PHC2: variants seen among roughly 807,000 people sequenced by gnomAD.
The protein encoded by PHC2 is polyhomeotic-like protein 2.
A neutral mutation model predicts 87.4 loss-of-function variants in PHC2; 29 were observed. The observed-to-expected ratio is 0.33, with a 90% CI of 0.25 to 0.45. PHC2 has a LOEUF of 0.45. Ranked by LOEUF, PHC2 falls within the 20% of genes least tolerant of loss-of-function variation. The pLI is 1.00. For synonymous variants in PHC2, 438 were observed against 461.7 expected, an observed-to-expected ratio of 0.95 and a Z score of 0.66; for missense variants, 857 against 1,136.7, an observed-to-expected ratio of 0.75 and a Z score of 3.54.
chr1:33,370,683 T>C, intron 4 of PHC2, 98 bp from the exon 5 acceptor site: 3 of 1,215,922 alleles, frequency 2.5e-6, no homozygotes, highest in Non-Finnish European at 3.5e-6. Flanking sequence ...TGCTCCTTGG[T>C]TTATTCAGCC....
chr1:33,377,548 CT>C (rs1648248138), intron 1 of PHC2, among the ~76,000 whole-genome samples: 1 of 151,912 alleles, frequency 6.6e-6, no homozygotes, highest in Admixed American at 6.6e-5. Flanking sequence ...CTCTTTTTTT[CT>C]TTTTCCATGC....
At chr1:33,370,365 C>T in intron 5 of PHC2, 56 bp downstream of exon 5, 2 of 1,551,602 alleles carry the variant, frequency 1.3e-6, no homozygotes, top group South Asian at 2.3e-5. Context: ...CTCCCAGCTT[C>T]TCTGCCTCTG....
At chr1:33,370,306 T>TCCTGCC in intron 5 of PHC2, 115 bp downstream of exon 5, 1 of 949,004 alleles carries the variant, frequency 1.1e-6, no homozygotes, top group South Asian at 1.6e-5. Flanking sequence ...ACCCCTTATC[T>TCCTGCC]CCTGCCCCTG....
rs1263537712 is a variant in PHC2, at chr1:33,349,915, G to C, written c.1558+4486C>G. The C allele has an allele frequency of 1.0e-6, 1 of 965,790 alleles. No homozygotes were observed. Among genetic ancestry groups the C allele is most frequent in the Non-Finnish European group, 1.2e-6 (1 of 815,014 alleles). 59.8% of individuals were successfully genotyped at this position (965,790 alleles called of 1,614,324 possible). On this transcript the variant is annotated intron_variant, in intron 9 of 14. Coordinates refer to ENST00000683057, the MANE Select transcript of PHC2 (RefSeq NM_001385109.1). This position sits in a 1 kb window ranked among gnomAD's most constrained non-coding sequence, Gnocchi z 4.2. The stretch of plus-strand genomic sequence containing the variant: ...GAGACAATGCGGCGAGTCTGGGACG[G>C]CTCCCGCGGCCGCCTCCGCCGGGGG...
chr1:33,416,370 T>A (rs10753282), intron 1 of PHC2, among the ~76,000 whole-genome samples: 103,693 of 150,044 alleles, frequency 0.69, 36,234 homozygotes, highest in East Asian at 0.78. Flanking sequence ...GATTGAGACC[T>A]TCCTGGCTAA....
intron 1 of PHC2, among the ~76,000 whole-genome samples, chr1:33,403,192 T>C (rs911091794): frequency 3.0e-5 from 4 of 134,736 alleles, no homozygotes; most frequent in African/African-American, 1.1e-4. Flanking sequence ...AGTGGTGCGA[T>C]CTCGGCTCAC....
chr1:33,379,818 C>T (rs988988182), intron 1 of PHC2, among the ~76,000 whole-genome samples: 2 of 148,854 alleles, frequency 1.3e-5, no homozygotes, highest in Non-Finnish European at 3.0e-5. Context: ...CTCCCCTACT[C>T]GACCTTCTTG....
intron 1 of PHC2, among the ~76,000 whole-genome samples, chr1:33,423,220 G>A (rs1450573630): frequency 6.6e-6 from 1 of 152,056 alleles, no homozygotes. Flanking sequence ...AAGTATTAAA[G>A]GGCTTAAAAA....
intron 1 of PHC2, among the ~76,000 whole-genome samples, chr1:33,428,144 T>A (rs993142657): frequency 6.6e-6 from 1 of 152,212 alleles, no homozygotes; most frequent in African/African-American, 2.4e-5. Context: ...ATGAAGAAAC[T>A]GAAGTCAAAG....
At chr1:33,372,688 C>A (rs150258509) in intron 2 of PHC2, among the ~76,000 whole-genome samples, 1 of 152,246 alleles carries the variant, frequency 6.6e-6, no homozygotes, top group Non-Finnish European at 1.5e-5. Context: ...CTCCCCAGCA[C>A]GGCCTGCTCC....
At chr1:33,391,511 C>T (rs924069184) in intron 1 of PHC2, among the ~76,000 whole-genome samples, 13 of 152,108 alleles carry the variant, frequency 8.5e-5, no homozygotes, top group African/African-American at 3.1e-4. Context: ...CTGTACGGGA[C>T]TGTATGCTTG....
intron 1 of PHC2, among the ~76,000 whole-genome samples, chr1:33,414,345 G>A (rs1369813729): frequency 6.6e-6 from 1 of 152,060 alleles, no homozygotes; most frequent in East Asian, 1.9e-4. Flanking sequence ...CTAATTCTGG[G>A]GTCAGACAGT....
chr1:33,426,289 G>A (rs1650665000), intron 1 of PHC2, among the ~76,000 whole-genome samples: 1 of 151,562 alleles, frequency 6.6e-6, no homozygotes, highest in Non-Finnish European at 1.5e-5. Flanking sequence ...TCCAGACAAT[G>A]GTGGCAACCA....
rs1646322552 is a variant in PHC2 at position 33,324,134 on chromosome 1, G to GGCT, written c.*728_*730dup. 1 of 152,724 alleles carries GGCT rather than the reference G, an allele frequency of 6.5e-6. No homozygotes were observed. The highest frequency in any genetic ancestry group is 6.5e-5 in the Admixed American group (1 of 15,290). 9.5% of individuals were successfully genotyped at this position (152,724 alleles called of 1,614,324 possible). ...CTTTCTGACCTTGCCTCTGCGCTGAGGCTGCCATTCTTGGCTATTCCCCAT... is the reference window on the plus strand; with the variant it reads ...CTTTCTGACCTTGCCTCTGCGCTGAGGCTGCTGCCATTCTTGGCTATTCCCCAT... On this transcript the variant is annotated 3_prime_UTR_variant, in exon 15 of 15. Transcript: ENST00000683057.
chr1:33,371,444 T>A (rs552149852), intron 3 of PHC2, among the ~76,000 whole-genome samples: 1 of 150,266 alleles, frequency 6.7e-6, no homozygotes, highest in African/African-American at 2.4e-5. Context: ...CCATCACACC[T>A]GGCCACCACC....
intron 1 of PHC2, among the ~76,000 whole-genome samples, chr1:33,401,334 A>G (rs183584862): frequency 0.012 from 1,858 of 152,300 alleles, 19 homozygotes; most frequent in Non-Finnish European, 0.019. Flanking sequence ...TCAAAAAAAA[A>G]AGAGGCTTTA....
At chr1:33,335,696 T>TG (rs1355794038) in intron 9 of PHC2, among the ~76,000 whole-genome samples, 1 of 152,158 alleles carries the variant, frequency 6.6e-6, no homozygotes, top group Non-Finnish European at 1.5e-5. Flanking sequence ...GGTCAAGAGT[T>TG]GAAGACCAGC....
chr1:33,372,272 T>C lies in PHC2; in HGVS notation c.333+17A>G, dbSNP rs1171658523. On this transcript the variant is annotated intron_variant, in intron 3 of 14. Coordinates refer to ENST00000683057, the MANE Select transcript of PHC2 (RefSeq NM_001385109.1). ...AGGATGCCTGGCACCAGCCTCAAGG[T>C]CCTTCCCAAGTCTCACCTGCTGTAC... 6.6e-7 allele frequency: 1 copy of C among 1,516,934 alleles called. No homozygotes were observed. Among genetic ancestry groups the C allele is most frequent in the Admixed American group, 2.0e-5 (1 of 49,200 alleles). The allele number at this position is 1,516,934 out of a possible 1,614,324, so 94.0% of individuals were successfully genotyped here. A position where few individuals can be genotyped will look rare whatever the true frequency, so the allele number is the denominator to read the frequency against.
Position 33,370,360 on chromosome 1 carries a change from A to C in PHC2, c.576+61T>G, listed in dbSNP as rs1421080203. The C allele has an allele frequency of 2.7e-5, 41 of 1,498,912 alleles. No homozygotes were observed. In the East Asian group the frequency reaches 5.4e-4, roughly 20 times the overall value. The allele number at this position is 1,498,912 out of a possible 1,614,324, so 92.9% of individuals were successfully genotyped here. A position where few individuals can be genotyped will look rare whatever the true frequency, so the allele number is the denominator to read the frequency against. ...CACCCTTCTCCAGCTCCCAGCTCCC[A>C]GCTTCTCTGCCTCTGTCCTCCTGGT... On this transcript the variant is annotated intron_variant, in intron 5 of 14. Transcript: ENST00000683057.
Sources: allele counts gnomAD v4.1 joint callset (sites outside exome capture counted in the v4.1 genomes callset), GRCh38; gene constraint gnomAD v4.1.1; non-coding constraint Gnocchi (gnomAD v3.1); transcripts MANE v1.5; gene names NCBI Gene and HGNC (gene_info 2026-07-23, HGNC 2026-07-21).